The following FBXW11 variants were observed in gnomAD, a reference collection of about 807,000 sequenced individuals.
The protein encoded by FBXW11 is F-box/WD repeat-containing protein 11.
Under a neutral mutation model 77.6 loss-of-function variants are expected in FBXW11, and 19 were observed. That is an observed-to-expected ratio of 0.24 (90% CI 0.17 to 0.36). The LOEUF is 0.36. FBXW11 is among the 10% of genes least tolerant of loss of function. FBXW11 has a pLI of 1.00. For missense variants in FBXW11, 334 were observed against 704.2 expected (o/e 0.47, Z 5.95); for synonymous variants, 235 against 249.4 (o/e 0.94, Z 0.54).
intron 1 of FBXW11, among the ~76,000 whole-genome samples, chr5:171,965,533 TAAA>T (rs1421717392): frequency 1.2e-5 from 1 of 85,820 alleles, no homozygotes; most frequent in African/African-American, 4.1e-5. Context: ...TCTTTAAAAA[TAAA>T]AAAAAAAAAA....
intron 2 of FBXW11, among the ~76,000 whole-genome samples, chr5:171,948,492 C>G (rs1223944590): frequency 6.6e-6 from 1 of 151,852 alleles, no homozygotes; most frequent in Non-Finnish European, 1.5e-5. Flanking sequence ...AATCTCAGCA[C>G]TTTGGGAGGT....
rs1052003188 is a variant in FBXW11 at position 171,976,120 on chromosome 5, C to T, written c.46-18422G>A. ...AAGGCAGCAGTTAAGGCCATGACAACTCCTTCAAAATGATAGTTGAAGTAA... is the reference window on the plus strand; with the variant it reads ...AAGGCAGCAGTTAAGGCCATGACAATTCCTTCAAAATGATAGTTGAAGTAA... On this transcript the variant is annotated intron_variant, in intron 1 of 13. Transcript: ENST00000517395. 3.3e-5 allele frequency among the ~76,000 whole-genome samples: 5 copies of T among 152,202 alleles called. No individual in the cohort carries two copies. In the South Asian group the frequency reaches 8.3e-4, roughly 25 times the overall value.
intron 6 of FBXW11, 67 bp from the exon 7 acceptor site, chr5:171,891,671 T>C (rs989799073): frequency 7.3e-6 from 11 of 1,515,984 alleles, no homozygotes; most frequent in Admixed American, 6.2e-5. Flanking sequence ...TTTCAGACTT[T>C]GGCGTTGCTT....
In FBXW11 at chr5:172,006,594, G is replaced by A. The variant is rs1766796616; in HGVS notation, c.-92C>T. 1.5e-5 allele frequency: 21 copies of A among 1,393,362 alleles called. No individual in the cohort carries two copies. The South Asian group carries it at 2.2e-4, about 15-fold the overall frequency. The allele number at this position is 1,393,362 out of a possible 1,614,324, so 86.3% of individuals were successfully genotyped here. The stretch of plus-strand genomic sequence containing the variant: ...CGGCGGAGGCGGCAGAGGCGGAGGC[G>A]GCTATCGCACCCACTCTAGCTGCCA... On this transcript the variant is annotated 5_prime_UTR_variant, in exon 1 of 14. Coordinates refer to ENST00000517395, the MANE Select transcript of FBXW11 (RefSeq NM_001378974.1).
At chr5:171,954,504 T>A (rs1763516021) in intron 2 of FBXW11, among the ~76,000 whole-genome samples, 2 of 152,234 alleles carry the variant, frequency 1.3e-5, no homozygotes, top group Non-Finnish European at 2.9e-5. Context: ...CACAGGAATC[T>A]GGGCAAATCA....
At chr5:171,916,362 T>G in intron 2 of FBXW11, 2 of 866,190 alleles carry the variant, frequency 2.3e-6, no homozygotes, top group Non-Finnish European at 2.8e-6. Flanking sequence ...GGGGAAAACC[T>G]GACTTTCTCA....
At chr5:171,920,863 C>T (rs1761554725) in intron 2 of FBXW11, among the ~76,000 whole-genome samples, 2 of 151,986 alleles carry the variant, frequency 1.3e-5, no homozygotes, top group South Asian at 2.1e-4. Flanking sequence ...CCCTGGGAAA[C>T]GAATGCATTC....
At chr5:171,911,762 A>T (rs1237863656) in intron 3 of FBXW11, among the ~76,000 whole-genome samples, 1 of 152,210 alleles carries the variant, frequency 6.6e-6, no homozygotes, top group Admixed American at 6.6e-5. Flanking sequence ...AAATCAGTAC[A>T]TATTTTTTAA....
chr5:171,905,520 C>T (rs1485578113), intron 4 of FBXW11, among the ~76,000 whole-genome samples: 4 of 151,868 alleles, frequency 2.6e-5, no homozygotes, highest in East Asian at 1.9e-4. Context: ...TGGACAAGGC[C>T]GATACACAAT....
At chr5:171,899,143 G>A (rs747482151) in intron 5 of FBXW11, 49 bp from the exon 6 acceptor site, 1 of 1,204,800 alleles carries the variant, frequency 8.3e-7, no homozygotes, top group Admixed American at 2.1e-5. Flanking sequence ...ATAAAAGGGT[G>A]AATTTTATCT....
At chr5:171,905,657 C>T (rs1457896217) in intron 4 of FBXW11, among the ~76,000 whole-genome samples, 1 of 134,722 alleles carries the variant, frequency 7.4e-6, no homozygotes, top group African/African-American at 2.7e-5. Context: ...GAACAGGAAT[C>T]ACACAATCTC....
rs527971403 is a variant in FBXW11, at chr5:171,869,709, C to G, written c.1530+20G>C. 1 of 1,591,400 alleles carries G rather than the reference C, an allele frequency of 6.3e-7. No homozygotes were observed. The highest frequency in any genetic ancestry group is 1.4e-5 in the African/African-American group (1 of 73,936). On this transcript the variant is annotated intron_variant, in intron 12 of 13. Transcript: ENST00000517395. The surrounding 1 kb of genome is among the most constrained non-coding windows in gnomAD (Gnocchi z 4.1). ...TCCTCCAGCACAGGGAACCAATTCC[C>G]GTCTCAAGAGATCACATACCACCAA... is the stretch of plus-strand genomic sequence containing the variant.
chr5:171,922,897 G>A (rs748619169), intron 2 of FBXW11, among the ~76,000 whole-genome samples: 2 of 151,864 alleles, frequency 1.3e-5, no homozygotes, highest in East Asian at 3.9e-4. Flanking sequence ...ATCACCAATC[G>A]TGTGTGTGCG....
At position 171,876,373 on chromosome 5, in the gene FBXW11, C is replaced by A; in HGVS notation, c.1133G>T (p.Arg378Leu). 1 of 1,614,078 alleles carries A rather than the reference C, an allele frequency of 6.2e-7. No homozygotes were observed. The highest frequency in any genetic ancestry group is 8.5e-7 in the Non-Finnish European group (1 of 1,180,000). The change falls in exon 9 of 14, where the codon CGT becomes CTT. Residue 378 changes from arginine (R) to leucine (L), a missense_variant. Coordinates refer to ENST00000517395, the MANE Select transcript of FBXW11 (RefSeq NM_001378974.1). The surrounding 1 kb of genome is among the most constrained non-coding windows in gnomAD (Gnocchi z 4.2). ...MASATDITLR[R>L]VLVGHRAAVN... is the part of the protein sequence containing the mutation. Reference sequence around the variant, plus strand: ...GGCAGCCCGGTGGCCAACCAGGACACGGCGTAAAGTGATGTCGGTCGCAGA... The same window carrying A: ...GGCAGCCCGGTGGCCAACCAGGACAAGGCGTAAAGTGATGTCGGTCGCAGA...
chr5:171,898,166 AT>A (rs1759874471), intron 6 of FBXW11, among the ~76,000 whole-genome samples: 1 of 150,234 alleles, frequency 6.7e-6, no homozygotes, highest in Non-Finnish European at 1.5e-5. Flanking sequence ...GAAAAAGCAC[AT>A]GTTTCTCCGT....
At chr5:171,896,158 C>T (rs1051676580) in intron 6 of FBXW11, among the ~76,000 whole-genome samples, 1 of 152,148 alleles carries the variant, frequency 6.6e-6, no homozygotes, top group Non-Finnish European at 1.5e-5. Flanking sequence ...TTCTCCTCAT[C>T]AGAGCCAAAT....
chr5:171,914,744 G>C lies in FBXW11; in HGVS notation c.148-339C>G, dbSNP rs376157873. Among the ~76,000 whole-genome samples the C allele has an allele frequency of 1.6e-4, 25 of 152,284 alleles. No individual in the cohort carries two copies. In the South Asian group the frequency reaches 5.0e-3, roughly 30 times the overall value. ...GACAAGAAATTCCAAAGACCCATGA[G>C]GTTTCCGATGATTGCACAAAACATT... is the stretch of plus-strand genomic sequence containing the variant. On this transcript the variant is annotated intron_variant, in intron 2 of 13. Coordinates refer to ENST00000517395, the MANE Select transcript of FBXW11 (RefSeq NM_001378974.1).
At chr5:171,913,440 C>T (rs561977331) in intron 3 of FBXW11, among the ~76,000 whole-genome samples, 5 of 152,082 alleles carry the variant, frequency 3.3e-5, no homozygotes, top group Non-Finnish European at 7.4e-5. Context: ...AAATAATAAA[C>T]GTGGAGGGTA....
intron 2 of FBXW11, among the ~76,000 whole-genome samples, chr5:171,953,805 G>A (rs1763478371): frequency 6.6e-6 from 1 of 152,260 alleles, no homozygotes; most frequent in African/African-American, 2.4e-5. Flanking sequence ...ACCAAAGCCA[G>A]GGTTCTTTCT....
Sources: allele counts gnomAD v4.1 joint callset (sites outside exome capture counted in the v4.1 genomes callset), GRCh38; gene constraint gnomAD v4.1.1; non-coding constraint Gnocchi (gnomAD v3.1); transcripts MANE v1.5; gene names NCBI Gene and HGNC (gene_info 2026-07-23, HGNC 2026-07-21).